The following SRRT variants were observed in gnomAD, a reference collection of about 807,000 sequenced individuals.
SRRT encodes serrate RNA effector molecule homolog.
Under a neutral mutation model 103.2 loss-of-function variants are expected in SRRT, and 32 were observed. The ratio of observed to expected loss-of-function variants is 0.31; its 90% CI spans 0.23 to 0.42. SRRT has a LOEUF of 0.42. Among genes scored for constraint, SRRT ranks in the 10% least tolerant of loss-of-function variants. The pLI is 1.00. For synonymous variants in SRRT, 525 were observed against 449.0 expected (o/e 1.17, Z -2.14); for missense variants, 986 against 1,207.5 (o/e 0.82, Z 2.72).
rs756425272 is a variant in SRRT, at chr7:100,885,104, C to A, written c.1159+64C>A. Reference sequence around the variant, plus strand: ...TGCGGGTGGGGAGGTGAGAGGTTGGCGACATTGACGGGAGGGTGGGTGGCT... The same window carrying A: ...TGCGGGTGGGGAGGTGAGAGGTTGGAGACATTGACGGGAGGGTGGGTGGCT... On this transcript the variant is annotated intron_variant, in intron 9 of 19. Transcript: ENST00000611405. This position sits in a 1 kb window ranked among gnomAD's most constrained non-coding sequence, Gnocchi z 4.8. The A allele has an allele frequency of 3.7e-6, 6 of 1,604,462 alleles. No homozygotes were observed. The African/African-American group carries it at 6.7e-5, about 18-fold the overall frequency.
rs957608273 is a variant in SRRT at position 100,882,660 on chromosome 7, AT to A, written c.587+428del. On this transcript the variant is annotated intron_variant, in intron 5 of 19. Coordinates refer to ENST00000611405, the MANE Select transcript of SRRT (RefSeq NM_015908.6). This position sits in a 1 kb window ranked among gnomAD's most constrained non-coding sequence, Gnocchi z 4.2. ...GTCGTTTGACAGAAAAAGAATTTTA[AT>A]TTTTTTTTCCTTTTGTGGATGTTTT... 3.2e-5 allele frequency: 5 copies of A among 155,706 alleles called. No homozygotes were observed. Among genetic ancestry groups the A allele is most frequent in the Non-Finnish European group, 5.7e-5 (4 of 70,512 alleles). 9.6% of individuals were successfully genotyped at this position (155,706 alleles called of 1,614,324 possible).
chr7:100,885,770 A>C lies in SRRT; in HGVS notation c.1379+8A>C, dbSNP rs770757908. 3 of 1,613,992 alleles carry C rather than the reference A, an allele frequency of 1.9e-6. No homozygotes were observed. Among genetic ancestry groups the C allele is most frequent in the South Asian group, 2.2e-5 (2 of 91,070 alleles). On this transcript the variant is annotated splice_region_variant and intron_variant, in intron 11 of 19. Coordinates refer to ENST00000611405, the MANE Select transcript of SRRT (RefSeq NM_015908.6). This position sits in a 1 kb window ranked among gnomAD's most constrained non-coding sequence, Gnocchi z 4.8. Reference sequence around the variant, plus strand: ...GCCCCAGCCAGAGAGGAGGTGAGTAACTCGGTGCGTTGGAGGGAAAAGTGC... The same window carrying C: ...GCCCCAGCCAGAGAGGAGGTGAGTACCTCGGTGCGTTGGAGGGAAAAGTGC...
Position 100,887,665 on chromosome 7 carries a change from T to A in SRRT, c.2170-38T>A. The stretch of plus-strand genomic sequence containing the variant: ...TCGGGCCTGGGAGCGAGGCAACCCT[T>A]ATGTGGCTGTCCTGACCCCTCTCCT... On this transcript the variant is annotated intron_variant, in intron 16 of 19. Coordinates refer to ENST00000611405, the MANE Select transcript of SRRT (RefSeq NM_015908.6). This position sits in a 1 kb window ranked among gnomAD's most constrained non-coding sequence, Gnocchi z 4.1. 6.3e-7 allele frequency: 1 copy of A among 1,593,074 alleles called. No individual in the cohort carries two copies. Among genetic ancestry groups the A allele is most frequent in the Non-Finnish European group, 8.6e-7 (1 of 1,164,640 alleles).
chr7:100,885,822 C>A lies in SRRT; in HGVS notation c.1380-41C>A, dbSNP rs1374571479. The A allele has an allele frequency of 6.2e-7, 1 of 1,613,620 alleles. No individual in the cohort carries two copies. Among genetic ancestry groups the A allele is most frequent in the Non-Finnish European group, 8.5e-7 (1 of 1,179,624 alleles). ...GGGGAACGTTAATGGCCAACACCAA[C>A]TCCCTCGCTTGACTATGCTAACATT... On this transcript the variant is annotated intron_variant, in intron 11 of 19. Transcript: ENST00000611405. This position sits in a 1 kb window ranked among gnomAD's most constrained non-coding sequence, Gnocchi z 4.8.
In SRRT at chr7:100,886,332, A is replaced by G. The variant is rs1367683836; in HGVS notation, c.1544A>G (p.Gln515Arg). ...RNINGITQHK[Q>R]IVRNDIKLAA... ...ATCAACGGCATCACCCAGCACAAGC[A>G]GATTGTGCGCAACGACATCAAGCTG... is the stretch of plus-strand genomic sequence containing the variant. Residue 515 changes from glutamine to arginine, a missense_variant, in exon 13 of 20, where the codon CAG (glutamine) becomes CGG (arginine). Gln to Arg is a conservative substitution (Grantham distance 43, BLOSUM62 1). This residue lies in a region of SRRT where 349 missense variants were observed against 446.9 expected (regional missense o/e 0.78). Coordinates refer to ENST00000611405, the MANE Select transcript of SRRT (RefSeq NM_015908.6). 6.2e-7 allele frequency: 1 copy of G among 1,613,890 alleles called. No individual in the cohort carries two copies. Among genetic ancestry groups the G allele is most frequent in the Non-Finnish European group, 8.5e-7 (1 of 1,180,018 alleles).
chr7:100,885,904 A>G lies in SRRT; in HGVS notation c.1421A>G (p.Asn474Ser). Residue 474 changes from asparagine (N) to serine (S), a missense_variant, in exon 12 of 20, where the codon AAC (asparagine) becomes AGC (serine). Asn to Ser is a conservative substitution (Grantham distance 46). Transcript: ENST00000611405. The surrounding 1 kb of genome is among the most constrained non-coding windows in gnomAD (Gnocchi z 4.8). ...TGGGTGACCTTCGACCGCAGTGTTA[A>G]CATTAAAGAGATCTGTTGGAACCTG... is the stretch of plus-strand genomic sequence containing the variant. ...RGWVTFDRSVNIKEICWNLQN... is the reference protein window; with the variant it reads ...RGWVTFDRSVSIKEICWNLQN... The G allele has an allele frequency of 6.2e-7, 1 of 1,614,116 alleles. No homozygotes were observed. The highest frequency in any genetic ancestry group is 8.5e-7 in the Non-Finnish European group (1 of 1,180,026).
intron 2 of SRRT, among the ~76,000 whole-genome samples, chr7:100,878,549 T>G (rs1292907210): frequency 1.3e-5 from 2 of 152,200 alleles, no homozygotes; most frequent in Admixed American, 1.3e-4. Flanking sequence ...AACTAGCCTG[T>G]GAGAAACTAC....
At position 100,886,859 on chromosome 7, in the gene SRRT, C is replaced by G. The variant is rs763762073; in HGVS notation, c.1712C>G (p.Ala571Gly). 6.2e-7 allele frequency: 1 copy of G among 1,614,176 alleles called. No individual in the cohort carries two copies. The highest frequency in any genetic ancestry group is 8.5e-7 in the Non-Finnish European group (1 of 1,180,040). The change falls in exon 14 of 20, where the codon GCC (alanine) becomes GGC (glycine). Residue 571 changes from alanine (A) to glycine (G), a missense_variant. By Grantham distance (60) the Ala-to-Gly change is moderately conservative (BLOSUM62 0). Transcript: ENST00000611405. ...GACTACCTGATCGAGGAAGTAAGCG[C>G]CGAGGAGGAGGAGCTGCTGGGGAGC... ...ITDYLIEEVS[A>G]EEEELLGSSG...
Position 100,887,193 on chromosome 7 carries a change from C to T in SRRT, c.1968C>T (p.His656=), listed in dbSNP as rs747283824. The T allele has an allele frequency of 9.9e-6, 16 of 1,614,072 alleles. No individual in the cohort carries two copies. Among genetic ancestry groups the T allele is most frequent in the South Asian group, 4.4e-5 (4 of 91,096 alleles). The stretch of plus-strand genomic sequence containing the variant: ...CCATGCCACCCAACCGCATCAGTCA[C>T]GGGGAAGGTGAGCTCCAGGTTCCCC... The part of the protein sequence containing the change: ...RGPMPPNRIS[H]GEVLEWQKTF... Residue 656 remains histidine (H), a synonymous_variant, in exon 15 of 20, where the codon CAC becomes CAT. Coordinates refer to ENST00000611405, the MANE Select transcript of SRRT (RefSeq NM_015908.6). This position sits in a 1 kb window ranked among gnomAD's most constrained non-coding sequence, Gnocchi z 4.1.
Position 100,887,308 on chromosome 7 carries a change from C to G in SRRT, c.1976-12C>G. ...CCTTGCCAACCTTCCTTCCTCTGTT[C>G]CCAAACCACAGTGCTGGAGTGGCAG... On this transcript the variant is annotated splice_polypyrimidine_tract_variant and intron_variant, in intron 15 of 19. Transcript: ENST00000611405. This position sits in a 1 kb window ranked among gnomAD's most constrained non-coding sequence, Gnocchi z 4.1. The G allele has an allele frequency of 5.0e-6, 8 of 1,612,432 alleles. No individual in the cohort carries two copies. The highest frequency in any genetic ancestry group is 6.8e-6 in the Non-Finnish European group (8 of 1,178,786).
rs1308583862 is a variant in SRRT at position 100,887,299 on chromosome 7, T to G, written c.1976-21T>G. On this transcript the variant is annotated intron_variant, in intron 15 of 19. Coordinates refer to ENST00000611405, the MANE Select transcript of SRRT (RefSeq NM_015908.6). The surrounding 1 kb of genome is among the most constrained non-coding windows in gnomAD (Gnocchi z 4.1). ...TTCTGGCTCCCTTGCCAACCTTCCT[T>G]CCTCTGTTCCCAAACCACAGTGCTG... 6.2e-7 allele frequency: 1 copy of G among 1,611,302 alleles called. No homozygotes were observed. Among genetic ancestry groups the G allele is most frequent in the African/African-American group, 1.3e-5 (1 of 74,810 alleles).
rs1199096208 is a variant in SRRT, at chr7:100,884,805, G to C, written c.1008G>C (p.Glu336Asp). 3.1e-6 allele frequency: 5 copies of C among 1,614,016 alleles called. No homozygotes were observed. Among genetic ancestry groups the C allele is most frequent in the African/African-American group, 2.7e-5 (2 of 74,890 alleles). ...KKSEGDGDKE[E>D]KKEDSEKEAK... ...CGGAGGGTGATGGGGACAAGGAAGA[G>C]AAGAAAGAAGACTCCGAGAAGGAAG... The change falls in exon 8 of 20, where the codon GAG becomes GAC. Residue 336 changes from glutamate to aspartate, a missense_variant. Physicochemically the swap from Glu to Asp is conservative, Grantham distance 45. This residue lies in a region of SRRT where 166 missense variants were observed against 148.6 expected (regional missense o/e 1.12). Coordinates refer to ENST00000611405, the MANE Select transcript of SRRT (RefSeq NM_015908.6).
At position 100,878,888 on chromosome 7, in the gene SRRT, CCTTTT is replaced by C. The variant is rs1400946032; in HGVS notation, c.123-2385_123-2381del. Among the ~76,000 whole-genome samples the C allele has an allele frequency of 1.5e-4, 23 of 151,698 alleles. No individual in the cohort carries two copies. The South Asian group carries it at 2.9e-3, about 19-fold the overall frequency. The stretch of plus-strand genomic sequence containing the variant: ...AGCTAACCTACTTTCTTCCTTCCTT[CCTTTT>C]CTTTTCTTTTCCTTTCTTTTCTTTT... On this transcript the variant is annotated intron_variant, in intron 2 of 19. Transcript: ENST00000611405.
At chr7:100,878,682 C>T (rs1188608870) in intron 2 of SRRT, among the ~76,000 whole-genome samples, 1 of 148,566 alleles carries the variant, frequency 6.7e-6, no homozygotes, top group Non-Finnish European at 1.5e-5. Flanking sequence ...AACTCCTTAT[C>T]AGTATGAGGC....
At position 100,886,921 on chromosome 7, in the gene SRRT, G is replaced by A. The variant is rs1425630802; in HGVS notation, c.1774G>A (p.Gly592Arg). ...GAPPEEPPKE[G>R]NPAEINVERD... ...TCCTCCTGAGGAGCCTCCTAAGGAA[G>A]GGAACCCGGCAGAGATCAACGTGGA... Residue 592 changes from glycine (G) to arginine (R), a missense_variant, in exon 14 of 20, where the codon GGG becomes AGG. Physicochemically the swap from Gly to Arg is moderately radical, Grantham distance 125 (BLOSUM62 -2). Transcript: ENST00000611405. 1.2e-6 allele frequency: 2 copies of A among 1,613,496 alleles called. No homozygotes were observed. Among genetic ancestry groups the A allele is most frequent in the African/African-American group, 2.7e-5 (2 of 74,820 alleles).
intron 4 of SRRT, 118 bp downstream of exon 4, chr7:100,881,923 G>A (rs545247911): frequency 6.8e-7 from 1 of 1,478,810 alleles, no homozygotes; most frequent in Middle Eastern, 2.3e-4. Flanking sequence ...CCCTGGGGTA[G>A]GGGTGGTAGC....
At chr7:100,884,032 T>A in intron 5 of SRRT, 38 bp from the exon 6 acceptor site, 1 of 1,513,468 alleles carries the variant, frequency 6.6e-7, no homozygotes, top group Non-Finnish European at 8.8e-7. Context: ...TGGCTTCCAA[T>A]AACTGTTTTG....
rs1021704232 is a variant in SRRT at position 100,888,282 on chromosome 7, C to T, written c.2454C>T (p.Pro818=). 16 of 1,612,290 alleles carry T rather than the reference C, an allele frequency of 9.9e-6. No individual in the cohort carries two copies. Among genetic ancestry groups the T allele is most frequent in the Non-Finnish European group, 1.4e-5 (16 of 1,178,640 alleles). The part of the protein sequence containing the change: ...YGAGAVRPAV[P]TGGPPYPHAP... The stretch of plus-strand genomic sequence containing the variant: ...CTGGTGCTGTCCGCCCTGCAGTCCC[C>T]ACAGGAGGCCCTCCATACCCCCATG... The change falls in exon 19 of 20, where the codon CCC becomes CCT. Residue 818 remains proline (P), a synonymous_variant. Coordinates refer to ENST00000611405, the MANE Select transcript of SRRT (RefSeq NM_015908.6).
chr7:100,881,693 T>A lies in SRRT; in HGVS notation c.286T>A (p.Tyr96Asn). 1 of 1,614,040 alleles carries A rather than the reference T, an allele frequency of 6.2e-7. No individual in the cohort carries two copies. The highest frequency in any genetic ancestry group is 8.5e-7 in the Non-Finnish European group (1 of 1,180,010). ...EHSSDPYHSG[Y>N]EMPYAGGGGG... ...CAGCTCTGACCCATACCACAGTGGC[T>A]ATGAGATGCCCTATGCTGGGGGGGG... Residue 96 changes from tyrosine to asparagine, a missense_variant, in exon 4 of 20, where the codon TAT (tyrosine) becomes AAT (asparagine). Transcript: ENST00000611405.
Sources: gnomAD v4.1 joint callset for allele counts (sites outside exome capture counted in the v4.1 genomes callset) on GRCh38, gnomAD v4.1.1 for gene constraint, gnomAD v4.1.1 regional missense constraint, Gnocchi (gnomAD v3.1) non-coding constraint, MANE v1.5 for transcripts, NCBI Gene and HGNC (gene_info 2026-07-23, HGNC 2026-07-21) for gene names.